Variants in POT1 observed in about 807,000 individuals in gnomAD.
POT1 encodes protection of telomeres protein 1.
In POT1, 47 loss-of-function variants were observed where a neutral mutation model predicts 78.5. The observed-to-expected ratio is 0.60, with a 90% CI of 0.47 to 0.76. The LOEUF (loss-of-function observed/expected upper bound fraction) is 0.76, where lower values mean the gene tolerates loss of function less well. Ranked by LOEUF, POT1 falls within the 30% of genes least tolerant of loss-of-function variation. The probability of loss-of-function intolerance (pLI) is 0.00; values close to 1 mark genes in which losing one functional copy is unlikely to be tolerated. For missense variants in POT1, 646 were observed against 749.9 expected (o/e 0.86, Z 1.62); for synonymous variants, 259 against 260.7 (o/e 0.99, Z 0.06).
chr7:124,907,237 G>C (rs1796786579), intron 3 of POT1, among the ~76,000 whole-genome samples: 1 of 152,072 alleles, frequency 6.6e-6, no homozygotes, highest in African/African-American at 2.4e-5. Flanking sequence ...TTTCCCTTTT[G>C]TGTCTGTACT....
intron 3 of POT1, among the ~76,000 whole-genome samples, chr7:124,911,604 G>A (rs935366173): frequency 2.6e-5 from 4 of 152,098 alleles, no homozygotes; most frequent in East Asian, 1.9e-4. Flanking sequence ...AAGATATACC[G>A]CTGATTAGTA....
intron 13 of POT1, among the ~76,000 whole-genome samples, chr7:124,842,281 CAA>C (rs1408013461): frequency 6.6e-6 from 1 of 151,862 alleles, no homozygotes; most frequent in Non-Finnish European, 1.5e-5. Context: ...AAAAGGATTA[CAA>C]AACAGTTATA....
intron 6 of POT1, among the ~76,000 whole-genome samples, chr7:124,887,177 A>G (rs1796261555): frequency 6.6e-6 from 1 of 152,140 alleles, no homozygotes; most frequent in Non-Finnish European, 1.5e-5. Context: ...GTTGAACAGT[A>G]TGATGGGGTG....
At position 124,822,583 on chromosome 7, in the gene POT1, T is replaced by C. The variant is rs1794531483; in HGVS notation, c.*1379A>G. On this transcript the variant is annotated 3_prime_UTR_variant, in exon 19 of 19. Transcript: ENST00000357628. ...GCAGAAAAAATGTTTATTTCACCTT[T>C]GTATCCTGAGCACATCATCAACACG... 2.2e-6 allele frequency: 1 copy of C among 455,328 alleles called. No individual in the cohort carries two copies. The highest frequency in any genetic ancestry group is 2.0e-5 in the African/African-American group (1 of 50,202). 28.2% of individuals were successfully genotyped at this position (455,328 alleles called of 1,614,324 possible).
At chr7:124,845,535 A>G (rs1461448663) in intron 12 of POT1, among the ~76,000 whole-genome samples, 1 of 152,206 alleles carries the variant, frequency 6.6e-6, no homozygotes, top group Non-Finnish European at 1.5e-5. Context: ...AACTTTATTC[A>G]GCTGGTAAAG....
chr7:124,842,931 G>C lies in POT1; in HGVS notation c.1039C>G (p.Pro347Ala). Residue 347 changes from proline (P) to alanine (A), a missense_variant, in exon 13 of 19, where the codon CCA becomes GCA. By Grantham distance (27) the Pro-to-Ala change is conservative. Transcript: ENST00000357628. ...LTDHQYLERT[P>A]LCAILKQKAP... Reference sequence around the variant, plus strand: ...TTTTGTTTCAAAATGGCACATAGTGGTGTCCTCTCCAAATACTGATGATCT... The same window carrying C: ...TTTTGTTTCAAAATGGCACATAGTGCTGTCCTCTCCAAATACTGATGATCT... The C allele has an allele frequency of 6.2e-7, 1 of 1,600,024 alleles. No individual in the cohort carries two copies. Among genetic ancestry groups the C allele is most frequent in the Non-Finnish European group, 8.5e-7 (1 of 1,175,566 alleles).
At chr7:124,887,418 T>A (rs997652268) in intron 6 of POT1, among the ~76,000 whole-genome samples, 1 of 150,682 alleles carries the variant, frequency 6.6e-6, no homozygotes, top group Non-Finnish European at 1.5e-5. Flanking sequence ...CACAGACTAG[T>A]TTTTTTTACA....
chr7:124,832,674 G>A (rs776600613), intron 15 of POT1, among the ~76,000 whole-genome samples: 2 of 151,874 alleles, frequency 1.3e-5, no homozygotes, highest in African/African-American at 4.8e-5. Flanking sequence ...ACAATCAGCC[G>A]GGTGTTAGTG....
rs967194019 is a variant in POT1 at position 124,929,816 on chromosome 7, G to A, written c.-434C>T. ...CACCCGTACTCTAGAAAGAACCCTAGGAAGAGTTTAGGCGGGCGCGCAGGT... is the reference window on the plus strand; with the variant it reads ...CACCCGTACTCTAGAAAGAACCCTAAGAAGAGTTTAGGCGGGCGCGCAGGT... On this transcript the variant is annotated 5_prime_UTR_variant, in exon 1 of 19. Transcript: ENST00000357628. The A allele has an allele frequency of 2.0e-5, 3 of 152,280 alleles. No homozygotes were observed. The highest frequency in any genetic ancestry group is 4.4e-5 in the Non-Finnish European group (3 of 68,088). The allele number at this position is 152,280 out of a possible 1,614,324, so 9.4% of individuals were successfully genotyped here.
rs1562980753 is a variant in POT1, at chr7:124,840,967, T to C, written c.1369+6A>G. ...TTCTAACAAAACAGTGACTTAAATA[T>C]CTTACCTTCTATCAAAAGTAGACAT... On this transcript the variant is annotated splice_donor_region_variant and intron_variant, in intron 14 of 18. Coordinates refer to ENST00000357628, the MANE Select transcript of POT1 (RefSeq NM_015450.3). The C allele has an allele frequency of 6.3e-7, 1 of 1,581,008 alleles. No individual in the cohort carries two copies.
rs535646918 is a variant in POT1, at chr7:124,895,264, G to A, written c.9+1901C>T. On this transcript the variant is annotated intron_variant, in intron 5 of 18. Coordinates refer to ENST00000357628, the MANE Select transcript of POT1 (RefSeq NM_015450.3). ...GCATATGTCCATGAGAAAACCATCG[G>A]CTCATGATATACTAAAGATAACTTG... is the stretch of plus-strand genomic sequence containing the variant. 1.1e-3 allele frequency among the ~76,000 whole-genome samples: 172 copies of A among 151,616 alleles called. 1 individual carries two copies. The highest frequency in any genetic ancestry group is 3.8e-3 in the African/African-American group (159 of 41,480).
chr7:124,839,844 ATCAC>A (rs1794983822), intron 14 of POT1, among the ~76,000 whole-genome samples: 1 of 152,112 alleles, frequency 6.6e-6, no homozygotes, highest in Non-Finnish European at 1.5e-5. Flanking sequence ...AAAAACCATT[ATCAC>A]TCAAAGTCCA....
At chr7:124,879,374 A>G (rs1796063968) in intron 6 of POT1, among the ~76,000 whole-genome samples, 1 of 152,050 alleles carries the variant, frequency 6.6e-6, no homozygotes, top group Admixed American at 6.5e-5. Flanking sequence ...GTAGCTAGGG[A>G]AAAAAATCCA....
chr7:124,838,187 T>C (rs910935049), intron 14 of POT1, among the ~76,000 whole-genome samples: 3 of 152,100 alleles, frequency 2.0e-5, no homozygotes, highest in Non-Finnish European at 2.9e-5. Flanking sequence ...CTGGAAGCCC[T>C]ATCTAATGCA....
chr7:124,877,264 C>A (rs1045482785), intron 6 of POT1, among the ~76,000 whole-genome samples: 4 of 152,166 alleles, frequency 2.6e-5, no homozygotes, highest in African/African-American at 9.6e-5. Flanking sequence ...AATTTCGATA[C>A]TTCAACTTTA....
intron 6 of POT1, among the ~76,000 whole-genome samples, chr7:124,887,417 G>T (rs1193489822): frequency 1.3e-5 from 2 of 151,864 alleles, no homozygotes; most frequent in Non-Finnish European, 2.9e-5. Flanking sequence ...ACACAGACTA[G>T]TTTTTTTTAC....
intron 15 of POT1, among the ~76,000 whole-genome samples, chr7:124,833,031 C>G (rs1277245079): frequency 6.6e-6 from 1 of 151,890 alleles, no homozygotes; most frequent in Non-Finnish European, 1.5e-5. Flanking sequence ...AAAGAGAAAG[C>G]TCAGTGACTT....
intron 2 of POT1, among the ~76,000 whole-genome samples, chr7:124,918,475 G>A (rs1269790092): frequency 6.6e-6 from 1 of 152,166 alleles, no homozygotes; most frequent in Non-Finnish European, 1.5e-5. Context: ...GTAGTAATAA[G>A]AAACATAAGA....
chr7:124,861,204 C>G (rs1384226295), intron 8 of POT1, among the ~76,000 whole-genome samples: 1 of 152,176 alleles, frequency 6.6e-6, no homozygotes, highest in Non-Finnish European at 1.5e-5. Flanking sequence ...AATGGCTGAA[C>G]TAATTTACAC....
Sources: allele counts gnomAD v4.1 joint callset (sites outside exome capture counted in the v4.1 genomes callset), GRCh38; gene constraint gnomAD v4.1.1; transcripts MANE v1.5; gene names NCBI Gene and HGNC (gene_info 2026-07-23, HGNC 2026-07-21).